The following ATP6V0A1 variants were observed in gnomAD, a reference collection of about 807,000 sequenced individuals.
The protein encoded by ATP6V0A1 is ATPase H+ transporting V0 subunit a1.
In ATP6V0A1, 43 loss-of-function variants were observed where a neutral mutation model predicts 105.4. That is an observed-to-expected ratio of 0.41 (90% CI 0.32 to 0.53). The LOEUF (loss-of-function observed/expected upper bound fraction) is 0.53. Ranked by LOEUF, ATP6V0A1 falls within the 20% of genes least tolerant of loss-of-function variation. ATP6V0A1 has a pLI of 0.30. For synonymous variants in ATP6V0A1, 362 were observed against 372.8 expected, an observed-to-expected ratio of 0.97 and a Z score of 0.33; for missense variants, 676 against 1,051.1, an observed-to-expected ratio of 0.64 and a Z score of 4.93.
At chr17:42,517,374 C>G (rs1379065269) in intron 21 of ATP6V0A1, among the ~76,000 whole-genome samples, 1 of 152,164 alleles carries the variant, frequency 6.6e-6, no homozygotes, top group African/African-American at 2.4e-5. Flanking sequence ...CTGCTTTTAG[C>G]CTGTCTAGAG....
intron 12 of ATP6V0A1, 76 bp downstream of exon 12, chr17:42,494,549 G>A: frequency 2.0e-6 from 3 of 1,488,876 alleles, no homozygotes; most frequent in Non-Finnish European, 2.7e-6. Flanking sequence ...ATTATGATCT[G>A]GAAGTCTTTT....
At chr17:42,520,508 T>TC (rs1386114886) in intron 21 of ATP6V0A1, 1 of 456,682 alleles carries the variant, frequency 2.2e-6, no homozygotes, top group Middle Eastern at 3.3e-4. Flanking sequence ...TGAGAAGACT[T>TC]CCCCTCCTAA....
At position 42,507,634 on chromosome 17, in the gene ATP6V0A1, T is replaced by G; in HGVS notation, c.2112+7T>G. The G allele has an allele frequency of 6.2e-7, 1 of 1,612,008 alleles. No homozygotes were observed. The highest frequency in any genetic ancestry group is 8.5e-7 in the Non-Finnish European group (1 of 1,178,206). On this transcript the variant is annotated splice_region_variant and intron_variant, in intron 18 of 21. Transcript: ENST00000343619. ...CTCAGAGGACGCAGACGAGGTAAGA[T>G]CCCGTGGTGTGGGCTTTCTCTCCTT... is the stretch of plus-strand genomic sequence containing the variant.
chr17:42,507,497 A>G (rs779516473), intron 17 of ATP6V0A1, 23 bp from the exon 18 acceptor site: 24 of 1,557,666 alleles, frequency 1.5e-5, no homozygotes, highest in Admixed American at 1.0e-4. Flanking sequence ...GGCAAATTCT[A>G]CTCTTTCTGT....
intron 21 of ATP6V0A1, among the ~76,000 whole-genome samples, chr17:42,517,391 A>T (rs1190375039): frequency 6.6e-6 from 1 of 152,180 alleles, no homozygotes; most frequent in Non-Finnish European, 1.5e-5. Flanking sequence ...AGAGTGAGAG[A>T]AGACCCCAGA....
chr17:42,508,529 G>A (rs371614239), intron 18 of ATP6V0A1, 43 bp from the exon 19 acceptor site: 17 of 1,613,272 alleles, frequency 1.1e-5, no homozygotes, highest in Non-Finnish European at 1.4e-5. Flanking sequence ...GTGACCTTGT[G>A]TGTGGCGTGG....
At chr17:42,508,551 G>A (rs1276583409) in intron 18 of ATP6V0A1, 21 bp from the exon 19 acceptor site, 1 of 1,613,974 alleles carries the variant, frequency 6.2e-7, no homozygotes, top group Admixed American at 1.7e-5. Flanking sequence ...TCCCCACTAA[G>A]TGTAAATTTG....
Position 42,507,532 on chromosome 17 carries a change from T to C in ATP6V0A1, c.2017T>C (p.Phe673Leu). 1 of 1,612,178 alleles carries C rather than the reference T, an allele frequency of 6.2e-7. No individual in the cohort carries two copies. Among genetic ancestry groups the C allele is most frequent in the African/African-American group, 1.3e-5 (1 of 74,872 alleles). ...LRRKHLGTLNFGGIRVGNGPT... is the reference protein window; with the variant it reads ...LRRKHLGTLNLGGIRVGNGPT... The stretch of plus-strand genomic sequence containing the variant: ...TTCATCTGTGTAGGGAACTCTCAAC[T>C]TTGGTGGGATCAGGGTGGGCAACGG... The change falls in exon 18 of 22, where the codon TTT (phenylalanine) becomes CTT (leucine). Residue 673 changes from phenylalanine to leucine, a missense_variant. This residue lies in a region of ATP6V0A1 where 435 missense variants were observed against 642.2 expected (regional missense o/e 0.68). Coordinates refer to ENST00000343619, the MANE Select transcript of ATP6V0A1 (RefSeq NM_001130021.3).
intron 19 of ATP6V0A1, chr17:42,511,603 T>G (rs1599109636): frequency 6.6e-6 from 1 of 152,280 alleles, no homozygotes; most frequent in Admixed American, 6.5e-5. Context: ...TGGCAGGTAT[T>G]TCAAAAAGGA....
chr17:42,480,379 A>C (rs1598812285), intron 7 of ATP6V0A1: 2 of 207,170 alleles, frequency 9.7e-6, no homozygotes, highest in East Asian at 2.2e-4. Flanking sequence ...TTAAAGCTGA[A>C]TTGGTAAATA....
intron 9 of ATP6V0A1, among the ~76,000 whole-genome samples, chr17:42,483,469 G>T (rs1391860943): frequency 6.6e-6 from 1 of 151,706 alleles, no homozygotes; most frequent in Non-Finnish European, 1.5e-5. Flanking sequence ...ATGCCATGGC[G>T]CTGTCTCAGC....
At chr17:42,464,400 A>AT (rs757566611) in intron 2 of ATP6V0A1, among the ~76,000 whole-genome samples, 38 of 145,492 alleles carry the variant, frequency 2.6e-4, no homozygotes, top group Middle Eastern at 3.6e-3. Context: ...GTGTGTTTGT[A>AT]TTTTTTTTTT....
chr17:42,521,174 G>A lies in ATP6V0A1; in HGVS notation c.*54G>A. ...TACCCTCCCCGCCTCCCTCCACAGT[G>A]ATCAGCTGTGCCTCTCTGCCTGTTG... On this transcript the variant is annotated 3_prime_UTR_variant, in exon 22 of 22. Coordinates refer to ENST00000343619, the MANE Select transcript of ATP6V0A1 (RefSeq NM_001130021.3). The surrounding 1 kb of genome is among the most constrained non-coding windows in gnomAD (Gnocchi z 4.8). 6.9e-7 allele frequency: 1 copy of A among 1,440,206 alleles called. No individual in the cohort carries two copies. The highest frequency in any genetic ancestry group is 9.5e-7 in the Non-Finnish European group (1 of 1,052,834). The allele number at this position is 1,440,206 out of a possible 1,614,324, so 89.2% of individuals were successfully genotyped here. A position where few individuals can be genotyped will look rare whatever the true frequency, so the allele number is the denominator to read the frequency against.
chr17:42,486,127 T>C (rs2145916067), intron 9 of ATP6V0A1, among the ~76,000 whole-genome samples: 1 of 152,260 alleles, frequency 6.6e-6, no homozygotes, highest in African/African-American at 2.4e-5. Flanking sequence ...AAAACTTAAA[T>C]ATGGGCTGGA....
At chr17:42,478,177 C>T (rs1328055253) in intron 6 of ATP6V0A1, among the ~76,000 whole-genome samples, 4 of 127,244 alleles carry the variant, frequency 3.1e-5, no homozygotes, top group African/African-American at 1.2e-4. Context: ...CACTTGGACA[C>T]AGGAAGGGGA....
At chr17:42,476,774 GC>G (rs1470758961) in intron 5 of ATP6V0A1, among the ~76,000 whole-genome samples, 1 of 152,060 alleles carries the variant, frequency 6.6e-6, no homozygotes, top group African/African-American at 2.4e-5. Context: ...AATTAAACCA[GC>G]CCATGAACTC....
chr17:42,491,425 C>G (rs549125278), intron 11 of ATP6V0A1, among the ~76,000 whole-genome samples: 6 of 152,254 alleles, frequency 3.9e-5, no homozygotes, highest in African/African-American at 1.4e-4. Context: ...ATTCTTCTGC[C>G]TCAGCCTCCC....
intron 19 of ATP6V0A1, among the ~76,000 whole-genome samples, chr17:42,509,467 A>G (rs547498256): frequency 1.7e-4 from 26 of 152,206 alleles, no homozygotes; most frequent in Middle Eastern, 3.4e-3. Context: ...GGGCAGTGGG[A>G]TGGGAATGGG....
At position 42,468,099 on chromosome 17, in the gene ATP6V0A1, G is replaced by T; in HGVS notation, c.286G>T (p.Asp96Tyr). 6.3e-7 allele frequency: 1 copy of T among 1,588,982 alleles called. No homozygotes were observed. Among genetic ancestry groups the T allele is most frequent in the South Asian group, 1.1e-5 (1 of 87,602 alleles). Residue 96 changes from aspartate (D) to tyrosine (Y), a missense_variant, in exon 4 of 22, where the codon GAC becomes TAC. Asp to Tyr is a radical substitution (Grantham distance 160, BLOSUM62 -3). Around this residue, in one of 3 missense-constraint regions of ATP6V0A1, gnomAD observed 239 missense variants for 388.4 expected, o/e 0.62. Coordinates refer to ENST00000343619, the MANE Select transcript of ATP6V0A1 (RefSeq NM_001130021.3). ...PEVPFPRDMIDLEANFEKIEN... is the reference protein window; with the variant it reads ...PEVPFPRDMIYLEANFEKIEN... ...GGTTCCCTTCCCCCGGGACATGATT[G>T]ACTTAGAGGTAAACACTTCTGGGAA...
Sources: gnomAD v4.1 joint callset for allele counts (sites outside exome capture counted in the v4.1 genomes callset) on GRCh38, gnomAD v4.1.1 for gene constraint, gnomAD v4.1.1 regional missense constraint, Gnocchi (gnomAD v3.1) non-coding constraint, MANE v1.5 for transcripts, NCBI Gene and HGNC (gene_info 2026-07-23, HGNC 2026-07-21) for gene names.